ITIH3: variants seen among roughly 807,000 people sequenced by gnomAD.
The protein encoded by ITIH3 is inter-alpha-trypsin inhibitor heavy chain 3, also known as inter-alpha-trypsin inhibitor heavy chain H3.
Under a neutral mutation model 96.5 loss-of-function variants are expected in ITIH3, and 81 were observed. That is an observed-to-expected ratio of 0.84 (90% CI 0.70 to 1.01). The LOEUF is 1.01. ITIH3 is among the 50% of genes least tolerant of loss of function. The pLI is 0.00. For synonymous variants in ITIH3, 422 were observed against 445.2 expected (o/e 0.95, Z 0.66); for missense variants, 1,057 against 1,139.3 (o/e 0.93, Z 1.04).
At chr3:52,800,402 G>A (rs1228267520) in intron 9 of ITIH3, 136 bp from the exon 10 acceptor site, 5 of 969,896 alleles carry the variant, frequency 5.2e-6, no homozygotes, top group South Asian at 1.7e-5. Context: ...TGTTTGCTGA[G>A]TACCACCATG....
chr3:52,807,464 A>G (rs1034754290), intron 19 of ITIH3, among the ~76,000 whole-genome samples: 3 of 152,172 alleles, frequency 2.0e-5, no homozygotes, highest in Admixed American at 6.5e-5. Flanking sequence ...AGCCTGCCCA[A>G]TGTCACTCAG....
chr3:52,806,901 G>A lies in ITIH3; in HGVS notation c.2057G>A (p.Gly686Asp). 4 of 1,578,770 alleles carry A rather than the reference G, an allele frequency of 2.5e-6. No homozygotes were observed. Among genetic ancestry groups the A allele is most frequent in the Non-Finnish European group, 1.7e-6 (2 of 1,162,148 alleles). ...VLRLIQDAVT[G>D]LTVNGQITGD... ...TCTCCCTGCCCCATCCCTCTGGCAG[G>A]CCTCACAGTTAATGGGCAGATCACT... Residue 686 changes from glycine (G) to aspartate (D), a missense_variant and splice_region_variant, in exon 19 of 22, where the codon GGC becomes GAC. By Grantham distance (94) the Gly-to-Asp change is moderately conservative. Transcript: ENST00000449956.
intron 11 of ITIH3, 130 bp from the exon 12 acceptor site, chr3:52,802,204 G>A (rs973602178): frequency 6.3e-6 from 6 of 950,444 alleles, no homozygotes; most frequent in Non-Finnish European, 9.3e-6. Flanking sequence ...GAAGGACGCA[G>A]TCAGGGACAG....
chr3:52,807,750 G>A lies in ITIH3; in HGVS notation c.2265G>A (p.Leu755=), dbSNP rs1245709003. The change falls in exon 20 of 22, where the codon CTG becomes CTA. Residue 755 remains leucine (L), a synonymous_variant. Transcript: ENST00000449956. ...ACTTTCTGGCTTCCTCTCGTAGGCTGTCCATGATGATCAACAGGAAGAACA... is the reference window on the plus strand; with the variant it reads ...ACTTTCTGGCTTCCTCTCGTAGGCTATCCATGATGATCAACAGGAAGAACA... The part of the protein sequence containing the change: ...LDTVTVTQDG[L]SMMINRKNMV... 1 of 1,609,906 alleles carries A rather than the reference G, an allele frequency of 6.2e-7. No homozygotes were observed. Among genetic ancestry groups the A allele is most frequent in the South Asian group, 1.1e-5 (1 of 89,956 alleles).
rs1312270680 is a variant in ITIH3, at chr3:52,802,437, A to G, written c.1487A>G (p.Tyr496Cys). 15 of 1,614,012 alleles carry G rather than the reference A, an allele frequency of 9.3e-6. No individual in the cohort carries two copies. The highest frequency in any genetic ancestry group is 1.3e-5 in the Non-Finnish European group (15 of 1,179,878). ...DLTQNTYQHF[Y>C]DGSEIVVAGR... ...ACCCAGAACACTTACCAGCACTTCT[A>G]CGATGGCTCTGAGATCGTGGTGGCC... Residue 496 changes from tyrosine (Y) to cysteine (C), a missense_variant, in exon 12 of 22, where the codon TAC (tyrosine) becomes TGC (cysteine). Tyr to Cys is a radical substitution (Grantham distance 194, BLOSUM62 -2). Coordinates refer to ENST00000449956, the MANE Select transcript of ITIH3 (RefSeq NM_002217.4).
chr3:52,799,593 G>T, intron 8 of ITIH3, 105 bp downstream of exon 8: 2 of 1,073,370 alleles, frequency 1.9e-6, no homozygotes, highest in South Asian at 1.6e-5. Context: ...TGAGGAGAAA[G>T]GGGACAGGAT....
At chr3:52,807,991 G>A (rs1324935587) in intron 20 of ITIH3, 75 bp downstream of exon 20, 4 of 1,576,462 alleles carry the variant, frequency 2.5e-6, no homozygotes, top group African/African-American at 1.3e-5. Context: ...GCCTTCCTAG[G>A]CACCCTGTAC....
chr3:52,804,961 T>A lies in ITIH3; in HGVS notation c.1873+227T>A, dbSNP rs910494436. 3.4e-5 allele frequency: 20 copies of A among 594,298 alleles called. No homozygotes were observed. In the African/African-American group the frequency reaches 3.7e-4, roughly 11 times the overall value. The allele number at this position is 594,298 out of a possible 1,614,324, so 36.8% of individuals were successfully genotyped here. On this transcript the variant is annotated intron_variant, in intron 15 of 21. Transcript: ENST00000449956. ...CCCTTGCCCAGGGAGACACAATCAG[T>A]ATGACAGTATCTATGACCTGCAAAA... is the stretch of plus-strand genomic sequence containing the variant.
chr3:52,794,884 T>G lies in ITIH3; in HGVS notation c.81T>G (p.Phe27Leu), dbSNP rs754420593. 2.5e-6 allele frequency: 4 copies of G among 1,613,642 alleles called. No individual in the cohort carries two copies. Among genetic ancestry groups the G allele is most frequent in the South Asian group, 2.2e-5 (2 of 91,064 alleles). ...LAASGFPRSP[F>L]RLLGKRSLPE... ...CCTCTGGCTTCCCGAGAAGCCCCTTTCGGCTGCTTGGGGTGAGTCTGCCCC... is the reference window on the plus strand; with the variant it reads ...CCTCTGGCTTCCCGAGAAGCCCCTTGCGGCTGCTTGGGGTGAGTCTGCCCC... The change falls in exon 1 of 22, where the codon TTT (phenylalanine) becomes TTG (leucine). Residue 27 changes from phenylalanine to leucine, a missense_variant. Transcript: ENST00000449956.
rs770446092 is a variant in ITIH3 at position 52,803,891 on chromosome 3, G to A, written c.1746G>A (p.Thr582=). 8.1e-6 allele frequency: 13 copies of A among 1,614,020 alleles called. No homozygotes were observed. Among genetic ancestry groups the A allele is most frequent in the Non-Finnish European group, 1.1e-5 (13 of 1,179,888 alleles). Residue 582 remains threonine, a synonymous_variant, in exon 14 of 22, where the codon ACG becomes ACA. Transcript: ENST00000449956. The stretch of plus-strand genomic sequence containing the variant: ...ATGGCGAGGAGAAGGAGAACCTCAC[G>A]GCCCGGGCCCTGGACCTGTCCCTCA... ...NAHGEEKENL[T]ARALDLSLKY...
chr3:52,796,294 G>C (rs1699576820), intron 2 of ITIH3, among the ~76,000 whole-genome samples, 187 bp from the exon 3 acceptor site: 2 of 152,160 alleles, frequency 1.3e-5, no homozygotes, highest in Admixed American at 6.5e-5. Flanking sequence ...TCTGAATAAT[G>C]GTGGCCACCA....
intron 19 of ITIH3, 72 bp from the exon 20 acceptor site, chr3:52,807,675 A>T: frequency 6.7e-7 from 1 of 1,491,948 alleles, no homozygotes; most frequent in Non-Finnish European, 9.1e-7. Context: ...GCCCCACCAA[A>T]ACGCCCTTGA....
At chr3:52,801,645 CAT>C (rs1461515441) in intron 11 of ITIH3, among the ~76,000 whole-genome samples, 7 of 152,278 alleles carry the variant, frequency 4.6e-5, no homozygotes, top group East Asian at 1.9e-4. Flanking sequence ...TGTGTCTGCA[CAT>C]GTCTTCCCTC....
At position 52,806,355 on chromosome 3, in the gene ITIH3, A is replaced by G. The variant is rs1400271631; in HGVS notation, c.2005A>G (p.Ile669Val). Reference protein sequence around the residue: ...PEKDDALCFNIDEAPGTVLRL... With the variant: ...PEKDDALCFNVDEAPGTVLRL... ...GAAAGACGATGCCCTCTGCTTCAAC[A>G]TCGATGAAGCCCCAGGCACAGTGCT... is the stretch of plus-strand genomic sequence containing the variant. Residue 669 changes from isoleucine to valine, a missense_variant, in exon 18 of 22, where the codon ATC (isoleucine) becomes GTC (valine). By Grantham distance (29) the Ile-to-Val change is conservative. Transcript: ENST00000449956. The G allele has an allele frequency of 5.6e-6, 9 of 1,613,762 alleles. No individual in the cohort carries two copies. Among genetic ancestry groups the G allele is most frequent in the African/African-American group, 4.0e-5 (3 of 74,906 alleles).
chr3:52,803,142 G>C (rs1281618473), intron 13 of ITIH3, among the ~76,000 whole-genome samples: 2 of 152,230 alleles, frequency 1.3e-5, no homozygotes, highest in Non-Finnish European at 2.9e-5. Context: ...GCAGAGCTGA[G>C]CCCACTGAGA....
At position 52,799,763 on chromosome 3, in the gene ITIH3, C is replaced by A. The variant is rs779319143; in HGVS notation, c.917C>A (p.Ala306Asp). 4 of 1,611,780 alleles carry A rather than the reference C, an allele frequency of 2.5e-6. No individual in the cohort carries two copies. The highest frequency in any genetic ancestry group is 1.7e-5 in the Admixed American group (1 of 59,784). ...AGRKLEQTKEALLRILEDMQE... is the reference protein window; with the variant it reads ...AGRKLEQTKEDLLRILEDMQE... ...TTGTCTCTCCTCCAGACAAAGGAGG[C>A]CCTTCTCAGAATCCTGGAAGATATG... Residue 306 changes from alanine to aspartate, a missense_variant, in exon 9 of 22, where the codon GCC (alanine) becomes GAC (aspartate). By Grantham distance (126) the Ala-to-Asp change is moderately radical. Transcript: ENST00000449956.
In ITIH3 at chr3:52,802,790, C is replaced by G; in HGVS notation, c.1693C>G (p.Gln565Glu). 1 of 1,613,990 alleles carries G rather than the reference C, an allele frequency of 6.2e-7. No homozygotes were observed. Among genetic ancestry groups the G allele is most frequent in the South Asian group, 1.1e-5 (1 of 91,086 alleles). ...GCTCTGGGCCTACCTCACCATTGAG[C>G]AGCTGCTGGAGAAGCGGTGAGCAGA... Reference protein sequence around the residue: ...ERLWAYLTIEQLLEKRKNAHG... With the variant: ...ERLWAYLTIEELLEKRKNAHG... Residue 565 changes from glutamine to glutamate, a missense_variant, in exon 13 of 22, where the codon CAG (glutamine) becomes GAG (glutamate). By Grantham distance (29) the Gln-to-Glu change is conservative (BLOSUM62 2). Transcript: ENST00000449956.
At chr3:52,798,698 C>T in intron 6 of ITIH3, 1 of 494,408 alleles carries the variant, frequency 2.0e-6, no homozygotes, top group South Asian at 2.6e-5. Context: ...AAGGCCTGTG[C>T]CCAGCCAGGA....
At chr3:52,803,761 T>C (rs1283233965) in intron 13 of ITIH3, 94 bp from the exon 14 acceptor site, 5 of 1,399,578 alleles carry the variant, frequency 3.6e-6, no homozygotes, top group Non-Finnish European at 4.9e-6. Context: ...GAAGGTGGAG[T>C]GGGGATCCCC....
Sources: allele counts gnomAD v4.1 joint callset (sites outside exome capture counted in the v4.1 genomes callset), GRCh38; gene constraint gnomAD v4.1.1; transcripts MANE v1.5; gene names NCBI Gene and HGNC (gene_info 2026-07-23, HGNC 2026-07-21).